HNF4G: variants seen among roughly 807,000 people sequenced by gnomAD.
The protein encoded by HNF4G is hepatocyte nuclear factor 4 gamma, also known as hepatocyte nuclear factor 4-gamma.
In HNF4G, 21 loss-of-function variants were observed where a neutral mutation model predicts 50.9. That is an observed-to-expected ratio of 0.41 (90% CI 0.29 to 0.59). The LOEUF (loss-of-function observed/expected upper bound fraction) is 0.59, where lower values mean the gene tolerates loss of function less well. Among genes scored for constraint, HNF4G ranks in the 20% least tolerant of loss-of-function variants. HNF4G has a pLI of 0.26. For synonymous variants in HNF4G, 198 were observed against 185.6 expected (o/e 1.07, Z -0.54); for missense variants, 527 against 559.4 (o/e 0.94, Z 0.58).
At chr8:75,462,318 C>G (rs1811874034) in intron 1 of HNF4G, among the ~76,000 whole-genome samples, 2 of 152,098 alleles carry the variant, frequency 1.3e-5, no homozygotes, top group South Asian at 4.1e-4. Flanking sequence ...AAAATAAGAT[C>G]AACTGTCACA....
At chr8:75,410,018 T>C (rs1456215901) in intron 1 of HNF4G, among the ~76,000 whole-genome samples, 5 of 152,238 alleles carry the variant, frequency 3.3e-5, no homozygotes, top group African/African-American at 4.8e-5. Context: ...ACTAGTATTC[T>C]GAAATTTATT....
At chr8:75,443,073 G>C (rs1315723421) in intron 1 of HNF4G, among the ~76,000 whole-genome samples, 2 of 152,154 alleles carry the variant, frequency 1.3e-5, no homozygotes. Flanking sequence ...CTGCCTTCGA[G>C]AATGGGATTA....
At chr8:75,454,755 A>G (rs569551020) in intron 1 of HNF4G, among the ~76,000 whole-genome samples, 43 of 152,284 alleles carry the variant, frequency 2.8e-4, no homozygotes, top group African/African-American at 9.9e-4. Flanking sequence ...TTCATTAAGC[A>G]GTCACTGACA....
chr8:75,505,389 A>G (rs544463171), intron 2 of HNF4G, among the ~76,000 whole-genome samples: 69 of 152,238 alleles, frequency 4.5e-4, no homozygotes, highest in Middle Eastern at 3.4e-3. Context: ...GGAATATGCA[A>G]ATGAATTTGG....
At chr8:75,450,781 C>G (rs963248655) in intron 1 of HNF4G, among the ~76,000 whole-genome samples, 1 of 152,104 alleles carries the variant, frequency 6.6e-6, no homozygotes, top group African/African-American at 2.4e-5. Context: ...CTTTTAGAGG[C>G]GTTTAAGTCC....
intron 1 of HNF4G, among the ~76,000 whole-genome samples, chr8:75,419,624 C>A (rs2130485129): frequency 6.6e-6 from 1 of 152,312 alleles, no homozygotes; most frequent in East Asian, 1.9e-4. Flanking sequence ...CAGAGTTTCT[C>A]AGGTAAAATC....
intron 2 of HNF4G, among the ~76,000 whole-genome samples, chr8:75,507,868 GAAAT>G (rs1432284739): frequency 6.6e-6 from 1 of 151,984 alleles, no homozygotes; most frequent in African/African-American, 2.4e-5. Flanking sequence ...AAACATAAAA[GAAAT>G]AAATGGAATT....
intron 2 of HNF4G, among the ~76,000 whole-genome samples, chr8:75,507,121 G>T (rs1167206074): frequency 6.6e-6 from 1 of 152,060 alleles, no homozygotes; most frequent in Non-Finnish European, 1.5e-5. Context: ...TAAACATATA[G>T]ATTATATGTA....
At chr8:75,497,399 G>T (rs368019921) in intron 2 of HNF4G, among the ~76,000 whole-genome samples, 30 of 152,118 alleles carry the variant, frequency 2.0e-4, no homozygotes, top group African/African-American at 7.2e-4. Flanking sequence ...AGGTAAAATG[G>T]TTTTGGCTAG....
At chr8:75,502,068 G>A (rs867834855) in intron 2 of HNF4G, among the ~76,000 whole-genome samples, 1 of 152,096 alleles carries the variant, frequency 6.6e-6, no homozygotes, top group Non-Finnish European at 1.5e-5. Flanking sequence ...AGCCAGGATG[G>A]TCTTCATCTC....
intron 1 of HNF4G, among the ~76,000 whole-genome samples, chr8:75,436,678 C>T (rs1341454608): frequency 1.3e-5 from 2 of 152,282 alleles, no homozygotes; most frequent in Non-Finnish European, 2.9e-5. Flanking sequence ...CTTCTGATTA[C>T]TTTTCATGAA....
intron 1 of HNF4G, among the ~76,000 whole-genome samples, chr8:75,484,959 A>G (rs925338320): frequency 6.6e-6 from 1 of 152,242 alleles, no homozygotes; most frequent in African/African-American, 2.4e-5. Context: ...GACAGCTCCA[A>G]TGTAAACCTG....
intron 1 of HNF4G, among the ~76,000 whole-genome samples, chr8:75,438,473 T>C (rs1278120231): frequency 6.6e-6 from 1 of 152,154 alleles, no homozygotes; most frequent in East Asian, 1.9e-4. Context: ...ACTGACGGAA[T>C]ACAGACAAAT....
intron 2 of HNF4G, among the ~76,000 whole-genome samples, chr8:75,524,093 C>T (rs189419564): frequency 1.3e-4 from 20 of 152,094 alleles, no homozygotes; most frequent in Middle Eastern, 3.4e-3. Context: ...CAACTATACA[C>T]GCCTATGTAT....
At chr8:75,558,736 ATATT>A (rs1481111724) in intron 7 of HNF4G, 61 bp from the exon 8 acceptor site, 27 of 1,580,224 alleles carry the variant, frequency 1.7e-5, no homozygotes, top group Non-Finnish European at 2.3e-5. Context: ...CAATATTAGA[ATATT>A]TATTGTCTCA....
intron 2 of HNF4G, among the ~76,000 whole-genome samples, chr8:75,515,592 G>A (rs924713099): frequency 6.6e-6 from 1 of 152,184 alleles, no homozygotes; most frequent in Admixed American, 6.5e-5. Context: ...GGACAGTGGT[G>A]TAAGGTCTGT....
intron 1 of HNF4G, among the ~76,000 whole-genome samples, chr8:75,415,801 T>G (rs1482683364): frequency 6.6e-6 from 1 of 151,928 alleles, no homozygotes; most frequent in African/African-American, 2.4e-5. Context: ...GGCATGTATA[T>G]GTACATTTAA....
chr8:75,481,668 G>C (rs1419419162), intron 1 of HNF4G, among the ~76,000 whole-genome samples: 1 of 152,114 alleles, frequency 6.6e-6, no homozygotes, highest in Non-Finnish European at 1.5e-5. Flanking sequence ...TCATCAAGAG[G>C]GGGTGTCACA....
At position 75,458,010 on chromosome 8, in the gene HNF4G, A is replaced by T. The variant is rs150994684; in HGVS notation, c.-143-32079A>T. ...TTTTTTGTAGAGGCAAAGTCTCACT[A>T]TATTGCCCAGGCTGGTCTCAAACTA... On this transcript the variant is annotated intron_variant, in intron 1 of 10. Coordinates refer to the HNF4G transcript ENST00000354370. Among the ~76,000 whole-genome samples, 370 of 152,188 alleles carry T rather than the reference A, an allele frequency of 2.4e-3. 2 individuals carry two copies. Among genetic ancestry groups the T allele is most frequent in the African/African-American group, 8.5e-3 (352 of 41,542 alleles).
Sources: gnomAD v4.1 joint callset for allele counts (sites outside exome capture counted in the v4.1 genomes callset) on GRCh38, gnomAD v4.1.1 for gene constraint, MANE v1.5 for transcripts, NCBI Gene and HGNC (gene_info 2026-07-23, HGNC 2026-07-21) for gene names.